Variants in DLGAP2 observed in about 807,000 individuals in gnomAD.
DLGAP2 encodes DLG associated protein 2.
In DLGAP2, 26 loss-of-function variants were observed where a neutral mutation model predicts 100.3. The ratio of observed to expected loss-of-function variants is 0.26; its 90% CI spans 0.19 to 0.36. The LOEUF is 0.36. DLGAP2 is among the 10% of genes least tolerant of loss of function. The pLI, the probability that DLGAP2 is intolerant of heterozygous loss-of-function variation, is 1.00. For missense variants in DLGAP2, 1,858 were observed against 1,453.2 expected, an observed-to-expected ratio of 1.28 and a Z score of -4.53; for synonymous variants, 886 against 630.1, an observed-to-expected ratio of 1.41 and a Z score of -6.08.
intron 6 of DLGAP2, among the ~76,000 whole-genome samples, chr8:1,578,154 G>A (rs896189566): frequency 1.3e-5 from 2 of 152,164 alleles, no homozygotes; most frequent in Non-Finnish European, 2.9e-5. Context: ...GGAGCTGACT[G>A]ACAAAATCTT....
chr8:1,502,910 TCAGGCA>T (rs1243266908), intron 4 of DLGAP2, among the ~76,000 whole-genome samples: 1 of 152,104 alleles, frequency 6.6e-6, no homozygotes, highest in Non-Finnish European at 1.5e-5. Context: ...CTGCTTGGGC[TCAGGCA>T]CAGTGAAAAG....
intron 1 of DLGAP2, among the ~76,000 whole-genome samples, chr8:900,881 A>G (rs1224524930): frequency 2.0e-5 from 3 of 152,242 alleles, no homozygotes; most frequent in Non-Finnish European, 4.4e-5. Flanking sequence ...CGTAGGTCCG[A>G]CAGCTGAATA....
chr8:1,156,002 T>A (rs1796777144), intron 2 of DLGAP2, among the ~76,000 whole-genome samples: 1 of 152,138 alleles, frequency 6.6e-6, no homozygotes. Flanking sequence ...AGAGGGCCTG[T>A]GGGCCGGTGA....
rs1563077104 is a variant in DLGAP2 at position 881,682 on chromosome 8, C to CACACT, written c.19-26230_19-26229insACACT. The stretch of plus-strand genomic sequence containing the variant: ...TTGTGGCTGAACACACACACACACA[C>CACACT]TTTTTTTTTTTTTTTTAGTAGAGAC... On this transcript the variant is annotated intron_variant, in intron 1 of 14. Transcript: ENST00000637795. Among the ~76,000 whole-genome samples the CACACT allele has an allele frequency of 1.3e-3, 69 of 51,818 alleles. 1 individual carries two copies. The highest frequency in any genetic ancestry group is 9.6e-3 in the Middle Eastern group (1 of 104). The allele number at this position is 51,818 out of a possible 152,430, so 34.0% of individuals were successfully genotyped here.
intron 6 of DLGAP2, chr8:1,621,243 G>A (rs1307692768): frequency 6.6e-6 from 1 of 152,502 alleles, no homozygotes; most frequent in South Asian, 2.1e-4. Flanking sequence ...AGGACGGGTA[G>A]AGCCAAGTGG....
At chr8:1,264,692 A>G (rs1375537942) in intron 3 of DLGAP2, among the ~76,000 whole-genome samples, 1 of 152,170 alleles carries the variant, frequency 6.6e-6, no homozygotes, top group Non-Finnish European at 1.5e-5. Flanking sequence ...ATAAAATAGT[A>G]CCCACTTTAG....
intron 10 of DLGAP2, among the ~76,000 whole-genome samples, chr8:1,675,064 T>C (rs58646031): frequency 0.034 from 5,134 of 152,214 alleles, 263 homozygotes; most frequent in African/African-American, 0.12. Flanking sequence ...CTGTAGCCCG[T>C]CTCACCCAGC....
intron 6 of DLGAP2, among the ~76,000 whole-genome samples, chr8:1,595,759 C>G (rs941112823): frequency 1.4e-4 from 21 of 151,870 alleles, no homozygotes; most frequent in Admixed American, 4.6e-4. Flanking sequence ...CCAAATTCAC[C>G]ACTACCCTGC....
chr8:1,582,924 G>C (rs982754499), intron 6 of DLGAP2, among the ~76,000 whole-genome samples: 55 of 152,182 alleles, frequency 3.6e-4, no homozygotes, highest in African/African-American at 1.2e-3. Context: ...ACTGCAGTGA[G>C]AGGGAGGGCT....
At chr8:1,469,808 A>G (rs1032425464) in intron 3 of DLGAP2, among the ~76,000 whole-genome samples, 2 of 152,164 alleles carry the variant, frequency 1.3e-5, no homozygotes, top group Non-Finnish European at 2.9e-5. Context: ...TTAAAAGTCC[A>G]TGTATGACCC....
intron 5 of DLGAP2, among the ~76,000 whole-genome samples, chr8:1,550,749 A>G (rs1047724495): frequency 6.6e-6 from 1 of 152,180 alleles, no homozygotes; most frequent in African/African-American, 2.4e-5. Context: ...CTGTCTCTGA[A>G]TTGTGCCATG....
At position 1,337,854 on chromosome 8, in the gene DLGAP2, CCAGT is replaced by C. The variant is rs1007555877; in HGVS notation, c.106+78974_106+78977del. Among the ~76,000 whole-genome samples, 55 of 152,272 alleles carry C rather than the reference CCAGT, an allele frequency of 3.6e-4. 1 individual carries two copies. The highest frequency in any genetic ancestry group is 1.2e-3 in the African/African-American group (48 of 41,556). On this transcript the variant is annotated intron_variant, in intron 3 of 14. Transcript: ENST00000637795. ...AATTCTTCCAATTCAGTGAAAAAGA[CCAGT>C]CAAATTAAAAATGGGCAAAATACTT...
chr8:1,215,451 G>A (rs1317758963), intron 2 of DLGAP2, among the ~76,000 whole-genome samples: 3 of 146,398 alleles, frequency 2.0e-5, no homozygotes, highest in Non-Finnish European at 4.5e-5. Context: ...GGGTTCATTT[G>A]GGTGCATCAC....
chr8:1,433,453 C>T (rs1191844626), intron 3 of DLGAP2, among the ~76,000 whole-genome samples: 2 of 152,202 alleles, frequency 1.3e-5, no homozygotes, highest in African/African-American at 4.8e-5. Flanking sequence ...GGTCTTTTTG[C>T]AAAGGTGCTT....
At chr8:1,275,833 T>TATATAATATATAA (rs1799674169) in intron 3 of DLGAP2, among the ~76,000 whole-genome samples, 1 of 120,482 alleles carries the variant, frequency 8.3e-6, no homozygotes, top group Non-Finnish European at 1.6e-5. Context: ...TAAAAATAAA[T>TATATAATATATAA]ATATAATATA....
chr8:1,610,814 A>T (rs1405692550), intron 6 of DLGAP2, among the ~76,000 whole-genome samples: 1 of 124,640 alleles, frequency 8.0e-6, no homozygotes, highest in East Asian at 2.0e-4. Context: ...TGCTCGACAC[A>T]TACACTGTCC....
chr8:1,191,069 G>C (rs1797624082), intron 2 of DLGAP2, among the ~76,000 whole-genome samples: 1 of 152,160 alleles, frequency 6.6e-6, no homozygotes, highest in Non-Finnish European at 1.5e-5. Flanking sequence ...GGGAGAGGCT[G>C]GGTTCTGAAG....
chr8:1,073,457 A>G (rs1013204655), intron 2 of DLGAP2, among the ~76,000 whole-genome samples: 1 of 152,202 alleles, frequency 6.6e-6, no homozygotes, highest in Admixed American at 6.5e-5. Flanking sequence ...ACAGACATGG[A>G]TATGTAACTC....
chr8:1,549,020 G>A lies in DLGAP2; in HGVS notation c.567G>A (p.Pro189=), dbSNP rs776472427. 9 of 1,596,724 alleles carry A rather than the reference G, an allele frequency of 5.6e-6. No homozygotes were observed. Among genetic ancestry groups the A allele is most frequent in the South Asian group, 5.6e-5 (5 of 89,932 alleles). The change falls in exon 5 of 15, where the codon CCG becomes CCA. Residue 189 remains proline (P), a synonymous_variant. Coordinates refer to ENST00000637795, the MANE Select transcript of DLGAP2 (RefSeq NM_001346810.2). ...AHAGAKINRI[P]ANLLDQFEKQ... ...CGGGCGCCAAGATCAACCGCATCCC[G>A]GCCAACCTGCTGGACCAGTTCGAGA...
Sources: gnomAD v4.1 joint callset for allele counts (sites outside exome capture counted in the v4.1 genomes callset) on GRCh38, gnomAD v4.1.1 for gene constraint, MANE v1.5 for transcripts, NCBI Gene and HGNC (gene_info 2026-07-23, HGNC 2026-07-21) for gene names.